Variants in MNAT1 observed in about 807,000 individuals in gnomAD.
MNAT1 encodes the protein CDK-activating kinase assembly factor MAT1.
Under a neutral mutation model 42.0 loss-of-function variants are expected in MNAT1, and 43 were observed. The ratio of observed to expected loss-of-function variants is 1.02; its 90% CI spans 0.80 to 1.32. The LOEUF (loss-of-function observed/expected upper bound fraction) is 1.32, where lower values mean the gene tolerates loss of function less well. Ranked by LOEUF, MNAT1 falls within the 40% of genes most tolerant of loss-of-function variation. The pLI, the probability that MNAT1 is intolerant of heterozygous loss-of-function variation, is 0.00. For synonymous variants in MNAT1, 118 were observed against 120.0 expected (o/e 0.98, Z 0.11); for missense variants, 306 against 350.4 (o/e 0.87, Z 1.01).
chr14:60,960,652 G>A (rs2036570773), intron 7 of MNAT1, among the ~76,000 whole-genome samples: 1 of 152,014 alleles, frequency 6.6e-6, no homozygotes, highest in Non-Finnish European at 1.5e-5. Flanking sequence ...TCTCTGTGAG[G>A]GCATCTTCCC....
At chr14:60,810,679 C>T (rs1163890411) in intron 4 of MNAT1, among the ~76,000 whole-genome samples, 1 of 151,992 alleles carries the variant, frequency 6.6e-6, no homozygotes, top group East Asian at 1.9e-4. Flanking sequence ...GCTATTGATT[C>T]CTGGTTTTAT....
At chr14:60,900,333 T>G (rs1444073007) in intron 7 of MNAT1, among the ~76,000 whole-genome samples, 1 of 152,176 alleles carries the variant, frequency 6.6e-6, no homozygotes, top group Non-Finnish European at 1.5e-5. Flanking sequence ...AAATTAAAAG[T>G]GTTGCTCCAA....
chr14:60,924,488 GA>G (rs1379674423), intron 7 of MNAT1, among the ~76,000 whole-genome samples: 2 of 149,904 alleles, frequency 1.3e-5, no homozygotes. Context: ...GCTATAATAA[GA>G]AAAAATAAAT....
rs944228495 is a variant in MNAT1 at position 60,969,922 on chromosome 14, C to A, written c.*1573C>A. 1.3e-5 allele frequency: 2 copies of A among 152,140 alleles called. No homozygotes were observed. The highest frequency in any genetic ancestry group is 2.9e-5 in the Non-Finnish European group (2 of 68,020). The allele number at this position is 152,140 out of a possible 1,614,324, so 9.4% of individuals were successfully genotyped here. On this transcript the variant is annotated 3_prime_UTR_variant, in exon 8 of 8. Coordinates refer to ENST00000261245, the MANE Select transcript of MNAT1 (RefSeq NM_002431.4). ...TGCCTTATTGTGGAAATTGCATGCA[C>A]CTGGTTTGGCAAATAAATTCCAAAA...
intron 7 of MNAT1, among the ~76,000 whole-genome samples, chr14:60,948,218 G>T: frequency 6.6e-6 from 1 of 152,106 alleles, no homozygotes; most frequent in Non-Finnish European, 1.5e-5. Flanking sequence ...ATTTCTTGAG[G>T]CCAGGAGTTC....
intron 1 of MNAT1, among the ~76,000 whole-genome samples, chr14:60,738,258 T>G (rs1896366196): frequency 6.8e-6 from 1 of 146,758 alleles, no homozygotes; most frequent in African/African-American, 2.5e-5. Context: ...CTTGGATTTT[T>G]TTTTTTTTTT....
intron 1 of MNAT1, among the ~76,000 whole-genome samples, chr14:60,781,163 A>G (rs1271729775): frequency 6.6e-6 from 1 of 152,138 alleles, no homozygotes; most frequent in Non-Finnish European, 1.5e-5. Flanking sequence ...CTGTGAAGGG[A>G]TGGATATTTG....
At chr14:60,779,853 A>G (rs984121206) in intron 1 of MNAT1, 1 of 626,292 alleles carries the variant, frequency 1.6e-6, no homozygotes, top group Non-Finnish European at 2.9e-6. Flanking sequence ...TACTCTAAGA[A>G]GCAAGTGGAT....
At chr14:60,960,904 A>C (rs1336044031) in intron 7 of MNAT1, among the ~76,000 whole-genome samples, 1 of 152,144 alleles carries the variant, frequency 6.6e-6, no homozygotes, top group Non-Finnish European at 1.5e-5. Context: ...TCTCTAATCC[A>C]TTGGGCAGCC....
At chr14:60,822,459 G>A (rs1362483474) in intron 6 of MNAT1, among the ~76,000 whole-genome samples, 1 of 152,040 alleles carries the variant, frequency 6.6e-6, no homozygotes, top group Non-Finnish European at 1.5e-5. Context: ...ACAGGATCTT[G>A]TTCTGTTACT....
chr14:60,855,513 C>A (rs553430500), intron 6 of MNAT1, among the ~76,000 whole-genome samples: 1 of 152,304 alleles, frequency 6.6e-6, no homozygotes, highest in East Asian at 1.9e-4. Flanking sequence ...AGTATCTGGG[C>A]TGGATAGCAC....
intron 7 of MNAT1, among the ~76,000 whole-genome samples, chr14:60,967,843 A>G (rs542731659): frequency 6.6e-6 from 1 of 152,362 alleles, no homozygotes; most frequent in South Asian, 2.1e-4. Flanking sequence ...TATCAGTACT[A>G]TAATAGTATT....
chr14:60,785,599 C>T (rs1003496000), intron 1 of MNAT1, among the ~76,000 whole-genome samples: 1 of 152,204 alleles, frequency 6.6e-6, no homozygotes, highest in Non-Finnish European at 1.5e-5. Context: ...CCCACATTCT[C>T]TGTATGGATC....
chr14:60,840,349 G>A (rs1248497475), intron 6 of MNAT1, among the ~76,000 whole-genome samples: 1 of 152,212 alleles, frequency 6.6e-6, no homozygotes, highest in African/African-American at 2.4e-5. Flanking sequence ...GAACGAGGGT[G>A]GGTAAAAGCA....
intron 7 of MNAT1, among the ~76,000 whole-genome samples, chr14:60,942,003 CA>C (rs3080602): frequency 0.012 from 361 of 29,888 alleles, no homozygotes; most frequent in South Asian, 0.052. Flanking sequence ...GGCTCCATCT[CA>C]AAAAAAAAAA....
chr14:60,924,052 G>A (rs886263618), intron 7 of MNAT1, among the ~76,000 whole-genome samples: 23 of 152,156 alleles, frequency 1.5e-4, no homozygotes, highest in African/African-American at 4.3e-4. Context: ...TTTAAAGGAG[G>A]CAGAAGAAGT....
intron 1 of MNAT1, among the ~76,000 whole-genome samples, chr14:60,779,104 T>C (rs150741178): frequency 2.0e-5 from 3 of 152,222 alleles, no homozygotes; most frequent in African/African-American, 4.8e-5. Context: ...CCAAAATCAC[T>C]AGGGAAGAAA....
At chr14:60,894,754 A>T (rs543153493) in intron 7 of MNAT1, among the ~76,000 whole-genome samples, 9 of 152,108 alleles carry the variant, frequency 5.9e-5, no homozygotes, top group African/African-American at 2.2e-4. Context: ...TTATAATACA[A>T]TTAGTTCCAA....
intron 7 of MNAT1, among the ~76,000 whole-genome samples, chr14:60,935,503 G>A (rs1257509754): frequency 1.3e-5 from 2 of 152,110 alleles, no homozygotes; most frequent in African/African-American, 4.8e-5. Flanking sequence ...ACTTCCAGAT[G>A]TGTTGCTTTA....
Sources: allele counts gnomAD v4.1 joint callset (sites outside exome capture counted in the v4.1 genomes callset), GRCh38; gene constraint gnomAD v4.1.1; transcripts MANE v1.5; gene names NCBI Gene and HGNC (gene_info 2026-07-23, HGNC 2026-07-21).